ZNF638: variants seen among roughly 807,000 people sequenced by gnomAD.
ZNF638 encodes CTCL tumor antigen se33-1.
ZNF638 carries 46 observed loss-of-function variants against 195.6 expected under a neutral mutation model. The observed-to-expected ratio is 0.24, with a 90% CI of 0.19 to 0.30. ZNF638 has a LOEUF of 0.30. Ranked by LOEUF, ZNF638 falls within the 10% of genes least tolerant of loss-of-function variation. The pLI is 1.00. For missense variants in ZNF638, 2,440 were observed against 2,325.3 expected, an observed-to-expected ratio of 1.05 and a Z score of -1.01; for synonymous variants, 845 against 772.0, an observed-to-expected ratio of 1.09 and a Z score of -1.57.
intron 10 of ZNF638, among the ~76,000 whole-genome samples, chr2:71,386,632 A>G (rs2079646524): frequency 1.3e-5 from 2 of 152,206 alleles, no homozygotes; most frequent in South Asian, 4.1e-4. Flanking sequence ...ATACAGTGCT[A>G]TTTAATTATA....
intron 1 of ZNF638, among the ~76,000 whole-genome samples, chr2:71,333,677 C>T (rs765780588): frequency 6.6e-6 from 1 of 152,142 alleles, no homozygotes; most frequent in Non-Finnish European, 1.5e-5. Flanking sequence ...GCTTTGCAGT[C>T]GGAAGATCTG....
chr2:71,423,660 G>A lies in ZNF638; in HGVS notation c.4146G>A (p.Leu1382=), dbSNP rs1466481352. ...KPDETSKTSI[L]AVSDVSSSKP... ...ATGAAACTAGTAAAACTAGTATTCT[G>A]GCTGTATCAGATGTATCTAGCAGTA... Residue 1382 remains leucine (L), a synonymous_variant, in exon 22 of 28, where the codon CTG becomes CTA. Coordinates refer to ENST00000264447, the MANE Select transcript of ZNF638 (RefSeq NM_014497.5). 1 of 1,613,794 alleles carries A rather than the reference G, an allele frequency of 6.2e-7. No homozygotes were observed. The highest frequency in any genetic ancestry group is 8.5e-7 in the Non-Finnish European group (1 of 1,180,006).
Position 71,431,759 on chromosome 2 carries a change from C to CAA in ZNF638, c.5752+345_5752+346dup, listed in dbSNP as rs67530729. ...TGGGCGACAGAGTGAGACTCCGTCT[C>CAA]AAAAAAAAAAAAAAACAAAAACACC... On this transcript the variant is annotated intron_variant, in intron 26 of 27. Transcript: ENST00000264447. Among the ~76,000 whole-genome samples the CAA allele has an allele frequency of 7.4e-4, 76 of 102,180 alleles. 1 individual carries two copies. In the South Asian group the frequency reaches 7.7e-3, roughly 10 times the overall value. 67.0% of individuals were successfully genotyped at this position (102,180 alleles called of 152,430 possible). A position where few individuals can be genotyped will look rare whatever the true frequency, so the allele number is the denominator to read the frequency against.
intron 11 of ZNF638, 151 bp from the exon 12 acceptor site, chr2:71,398,550 G>C: frequency 1.5e-6 from 1 of 668,016 alleles, no homozygotes. Flanking sequence ...GCTAGATTTA[G>C]AAAATGGCCT....
intron 10 of ZNF638, among the ~76,000 whole-genome samples, chr2:71,385,701 C>T (rs1006976656): frequency 2.0e-5 from 3 of 152,132 alleles, no homozygotes; most frequent in Non-Finnish European, 2.9e-5. Context: ...GTCTGTGATA[C>T]TGTACTACAG....
intron 17 of ZNF638, 120 bp downstream of exon 17, chr2:71,404,118 G>C (rs1235052028): frequency 2.4e-5 from 23 of 978,048 alleles, no homozygotes; most frequent in Non-Finnish European, 3.3e-5. Context: ...CACTGAGAAA[G>C]CTTCTTCCTG....
intron 4 of ZNF638, among the ~76,000 whole-genome samples, chr2:71,363,695 T>C (rs1025595350): frequency 6.6e-6 from 1 of 152,220 alleles, no homozygotes; most frequent in African/African-American, 2.4e-5. Context: ...ACCAGAGAAA[T>C]TCATTATCGT....
At position 71,427,418 on chromosome 2, in the gene ZNF638, G is replaced by A; in HGVS notation, c.5545+4G>A. 6.5e-7 allele frequency: 1 copy of A among 1,536,668 alleles called. No individual in the cohort carries two copies. Among genetic ancestry groups the A allele is most frequent in the Non-Finnish European group, 8.7e-7 (1 of 1,150,704 alleles). On this transcript the variant is annotated splice_donor_region_variant and intron_variant, in intron 24 of 27. Coordinates refer to ENST00000264447, the MANE Select transcript of ZNF638 (RefSeq NM_014497.5). ...ATGATTGAAAGACACTTAACAGGTA[G>A]ATACTTGGAAGGGGTAGTCTTTCTG...
intron 20 of ZNF638, chr2:71,408,449 A>C: frequency 1.7e-6 from 1 of 571,890 alleles, no homozygotes; most frequent in Non-Finnish European, 2.9e-6. Flanking sequence ...ACAATGTAAC[A>C]TATATGCATT....
intron 3 of ZNF638, among the ~76,000 whole-genome samples, chr2:71,358,328 T>C (rs1573043616): frequency 1.3e-5 from 2 of 152,322 alleles, no homozygotes; most frequent in Admixed American, 6.5e-5. Flanking sequence ...AACATATATA[T>C]GTATGTATCT....
intron 5 of ZNF638, 48 bp downstream of exon 5, chr2:71,364,300 T>A: frequency 6.5e-7 from 1 of 1,528,948 alleles, no homozygotes; most frequent in Non-Finnish European, 8.8e-7. Context: ...TTGACTAAAT[T>A]TTTAAATGTC....
chr2:71,400,628 TC>T, intron 15 of ZNF638, 110 bp downstream of exon 15: 2 of 853,808 alleles, frequency 2.3e-6, no homozygotes, highest in East Asian at 2.9e-5. Flanking sequence ...TGTGAGAAAT[TC>T]CAGTCATTTG....
chr2:71,408,530 T>C (rs1366563260), intron 20 of ZNF638: 1 of 332,658 alleles, frequency 3.0e-6, no homozygotes, highest in Admixed American at 4.8e-5. Flanking sequence ...TGTAACATGA[T>C]TGTCTCCAGA....
intron 10 of ZNF638, chr2:71,395,300 G>GT: frequency 1.4e-6 from 1 of 717,244 alleles, no homozygotes; most frequent in East Asian, 2.7e-5. Context: ...ACCTGCTGCT[G>GT]TGCACATCTG....
At chr2:71,387,399 G>A (rs954178436) in intron 10 of ZNF638, among the ~76,000 whole-genome samples, 7 of 151,952 alleles carry the variant, frequency 4.6e-5, no homozygotes, top group African/African-American at 7.3e-5. Context: ...TGCTTGGTGC[G>A]GTGGCTGACG....
intron 19 of ZNF638, 137 bp from the exon 20 acceptor site, chr2:71,407,985 G>C: frequency 1.4e-6 from 1 of 720,646 alleles, no homozygotes; most frequent in Non-Finnish European, 2.2e-6. Flanking sequence ...GTGAACATGG[G>C]TGTACAAATA....
intron 10 of ZNF638, among the ~76,000 whole-genome samples, chr2:71,389,685 C>T (rs1040229450): frequency 3.3e-5 from 5 of 152,140 alleles, no homozygotes; most frequent in East Asian, 1.9e-4. Context: ...ACTGAATTCC[C>T]GAATTCCGAA....
chr2:71,388,630 G>A, intron 10 of ZNF638: 1 of 825,234 alleles, frequency 1.2e-6, no homozygotes, highest in Non-Finnish European at 2.2e-6. Context: ...CAGAGTCGGT[G>A]GATCAGACTC....
chr2:71,380,491 A>C (rs1410761584), intron 9 of ZNF638, 22 bp from the exon 10 acceptor site: 1 of 1,576,694 alleles, frequency 6.3e-7, no homozygotes, highest in Admixed American at 2.0e-5. Flanking sequence ...GTTGCTGCTA[A>C]ATTTTTTCTC....
Sources: gnomAD v4.1 joint callset for allele counts (sites outside exome capture counted in the v4.1 genomes callset) on GRCh38, gnomAD v4.1.1 for gene constraint, MANE v1.5 for transcripts, NCBI Gene and HGNC (gene_info 2026-07-23, HGNC 2026-07-21) for gene names.